The following PTPRF variants were observed in gnomAD, a reference collection of about 807,000 sequenced individuals.
The protein encoded by PTPRF is receptor-type tyrosine-protein phosphatase F.
PTPRF carries 59 observed loss-of-function variants against 201.8 expected under a neutral mutation model. The ratio of observed to expected loss-of-function variants is 0.29; its 90% CI spans 0.24 to 0.36. The LOEUF (loss-of-function observed/expected upper bound fraction) is 0.36. Ranked by LOEUF, PTPRF falls within the 10% of genes least tolerant of loss-of-function variation. The pLI is 1.00. For synonymous variants in PTPRF, 1,088 were observed against 1,089.7 expected, an observed-to-expected ratio of 1.00 and a Z score of 0.03; for missense variants, 2,132 against 2,690.5, an observed-to-expected ratio of 0.79 and a Z score of 4.59.
intron 1 of PTPRF, among the ~76,000 whole-genome samples, chr1:43,533,084 GT>G (rs370431686): frequency 4.5e-4 from 69 of 152,140 alleles, no homozygotes; most frequent in African/African-American, 1.3e-3. Context: ...TCTTTATAGT[GT>G]TTTTTTTAGT....
intron 5 of PTPRF, among the ~76,000 whole-genome samples, chr1:43,561,998 T>C (rs569673032): frequency 8.5e-5 from 13 of 152,326 alleles, no homozygotes; most frequent in African/African-American, 2.9e-4. Flanking sequence ...CCAATGGCTC[T>C]GGGAACAGGC....
At chr1:43,564,938 T>G (rs1476025155) in intron 5 of PTPRF, among the ~76,000 whole-genome samples, 1 of 152,092 alleles carries the variant, frequency 6.6e-6, no homozygotes, top group East Asian at 1.9e-4. Context: ...CAAAGAGACC[T>G]GTGTGTACTT....
chr1:43,526,191 C>T (rs1033903848), upstream of PTPRF, among the ~76,000 whole-genome samples: 4 of 152,066 alleles, frequency 2.6e-5, no homozygotes, highest in East Asian at 1.9e-4. Context: ...GGGAGTCCTC[C>T]TGTGGTGGCT....
chr1:43,549,569 A>G lies in PTPRF; in HGVS notation c.92-3923A>G, dbSNP rs59645036. Among the ~76,000 whole-genome samples, 610 of 152,260 alleles carry G rather than the reference A, an allele frequency of 4.0e-3. 2 individuals are homozygous for G. The highest frequency in any genetic ancestry group is 0.014 in the African/African-American group (577 of 41,558). ...TCAAAAAATACTTGTTGAAAGAGTA[A>G]AGAAGCCGGGTGTGGTGGCTCATAC... On this transcript the variant is annotated intron_variant, in intron 3 of 33. Coordinates refer to ENST00000359947, the MANE Select transcript of PTPRF (RefSeq NM_002840.5).
At chr1:43,614,882 A>ATTTT (rs1657364108) in intron 23 of PTPRF, among the ~76,000 whole-genome samples, 1 of 152,056 alleles carries the variant, frequency 6.6e-6, no homozygotes, top group African/African-American at 2.4e-5. Context: ...AACTCTTAAA[A>ATTTT]AAGAGTATTT....
At chr1:43,576,156 G>T (rs1022069041) in intron 6 of PTPRF, among the ~76,000 whole-genome samples, 5 of 152,194 alleles carry the variant, frequency 3.3e-5, no homozygotes, top group African/African-American at 1.2e-4. Flanking sequence ...TACTCGCCGG[G>T]CCCCGCCTAG....
intron 5 of PTPRF, among the ~76,000 whole-genome samples, chr1:43,556,680 G>T (rs1162056591): frequency 6.6e-6 from 1 of 152,206 alleles, no homozygotes; most frequent in East Asian, 1.9e-4. Context: ...TAGTAACTAT[G>T]CCTCTGACCC....
At chr1:43,548,471 G>T (rs922730351) in intron 3 of PTPRF, among the ~76,000 whole-genome samples, 1 of 152,008 alleles carries the variant, frequency 6.6e-6, no homozygotes, top group African/African-American at 2.4e-5. Context: ...TCGTTCTATG[G>T]GTGGCCTGTC....
intron 6 of PTPRF, among the ~76,000 whole-genome samples, chr1:43,574,206 G>T (rs1245056374): frequency 6.6e-6 from 1 of 151,734 alleles, no homozygotes; most frequent in Non-Finnish European, 1.5e-5. Context: ...ATGTTGGTCA[G>T]ACTGGTCTTG....
At chr1:43,615,854 T>C (rs149786448) in intron 23 of PTPRF, among the ~76,000 whole-genome samples, 176 of 152,270 alleles carry the variant, frequency 1.2e-3, no homozygotes, top group African/African-American at 3.9e-3. Context: ...CGTGAGCCAC[T>C]GCACCAGGCC....
chr1:43,569,537 C>T, intron 5 of PTPRF, 53 bp from the exon 6 acceptor site: 1 of 1,528,516 alleles, frequency 6.5e-7, no homozygotes, highest in South Asian at 1.3e-5. Flanking sequence ...CCAGAGGGGT[C>T]ATAGGGGGCA....
At chr1:43,621,509 G>C (rs11210890) in intron 33 of PTPRF, among the ~76,000 whole-genome samples, 2 of 116,522 alleles carry the variant, frequency 1.7e-5, no homozygotes, top group Admixed American at 7.7e-5. Context: ...CCCTGTTGCT[G>C]AAAACAAAAC....
intron 12 of PTPRF, 152 bp downstream of exon 12, chr1:43,598,205 C>T (rs1341526654): frequency 2.4e-5 from 20 of 820,604 alleles, no homozygotes; most frequent in East Asian, 1.2e-4. Flanking sequence ...ATGTCACTTA[C>T]GGGATAACTG....
intron 6 of PTPRF, among the ~76,000 whole-genome samples, chr1:43,574,979 G>A (rs570238521): frequency 3.3e-5 from 5 of 152,310 alleles, no homozygotes; most frequent in East Asian, 3.9e-4. Flanking sequence ...TCCATGAAAC[G>A]GATTGGTGTT....
rs1374336249 is a variant in PTPRF, at chr1:43,554,900, C to T, written c.379+959C>T. 6.8e-6 allele frequency among the ~76,000 whole-genome samples: 1 copy of T among 148,096 alleles called. No homozygotes were observed. Among genetic ancestry groups the T allele is most frequent in the African/African-American group, 2.5e-5 (1 of 39,464 alleles). ...TGCAGTCTCACTCTTGTTGCCCAGGCTGGAGTGCAATGGTGTGATCTCAGC... is the reference window on the plus strand; with the variant it reads ...TGCAGTCTCACTCTTGTTGCCCAGGTTGGAGTGCAATGGTGTGATCTCAGC... On this transcript the variant is annotated intron_variant, in intron 5 of 33. Coordinates refer to ENST00000359947, the MANE Select transcript of PTPRF (RefSeq NM_002840.5). This position sits in a 1 kb window ranked among gnomAD's most constrained non-coding sequence, Gnocchi z 4.1.
At chr1:43,555,605 G>A (rs895167191) in intron 5 of PTPRF, among the ~76,000 whole-genome samples, 2 of 151,814 alleles carry the variant, frequency 1.3e-5, no homozygotes, top group Admixed American at 6.6e-5. Flanking sequence ...ACCACCACTC[G>A]TGACTAATTT....
intron 7 of PTPRF, among the ~76,000 whole-genome samples, chr1:43,581,849 C>G (rs1183335826): frequency 6.6e-6 from 1 of 152,266 alleles, no homozygotes; most frequent in African/African-American, 2.4e-5. Context: ...CCCTGAACTT[C>G]TCAGCCGCAG....
intron 13 of PTPRF, among the ~76,000 whole-genome samples, chr1:43,600,446 T>C (rs1358610980): frequency 6.6e-6 from 1 of 150,968 alleles, no homozygotes; most frequent in Non-Finnish European, 1.5e-5. Context: ...ACACTGAAGA[T>C]GGAGGCCTGC....
At chr1:43,540,240 C>T (rs576831212) in intron 2 of PTPRF, among the ~76,000 whole-genome samples, 1 of 152,304 alleles carries the variant, frequency 6.6e-6, no homozygotes, top group Admixed American at 6.5e-5. Flanking sequence ...TGCGTAATGT[C>T]CCATGGGGGC....
Sources: gnomAD v4.1 joint callset for allele counts (sites outside exome capture counted in the v4.1 genomes callset) on GRCh38, gnomAD v4.1.1 for gene constraint, Gnocchi (gnomAD v3.1) non-coding constraint, MANE v1.5 for transcripts, NCBI Gene and HGNC (gene_info 2026-07-23, HGNC 2026-07-21) for gene names.